The following GPHN variants were observed in gnomAD, a reference collection of about 807,000 sequenced individuals.
GPHN encodes gephyrin.
A neutral mutation model predicts 95.5 loss-of-function variants in GPHN; 17 were observed. The ratio of observed to expected loss-of-function variants is 0.18; its 90% CI spans 0.12 to 0.27. The LOEUF (loss-of-function observed/expected upper bound fraction) is 0.27, where lower values mean the gene tolerates loss of function less well. Ranked by LOEUF, GPHN falls within the 10% of genes least tolerant of loss-of-function variation. GPHN has a pLI of 1.00. For missense variants in GPHN, 660 were observed against 978.1 expected (o/e 0.67, Z 4.34); for synonymous variants, 320 against 322.5 (o/e 0.99, Z 0.08).
At chr14:66,704,197 T>TA (rs1293440021) in intron 2 of GPHN, among the ~76,000 whole-genome samples, 2 of 152,198 alleles carry the variant, frequency 1.3e-5, no homozygotes, top group African/African-American at 4.8e-5. Context: ...GAAAAAAACT[T>TA]AGACTCGCAC....
At chr14:66,982,627 T>C (rs11621555) in intron 9 of GPHN, among the ~76,000 whole-genome samples, 8,168 of 152,268 alleles carry the variant, frequency 0.054, 308 homozygotes, top group Middle Eastern at 0.13. Context: ...TGTCAAAAGA[T>C]TTCTTCATGA....
chr14:67,217,125 G>A, the GPHN span, among the ~76,000 whole-genome samples: 32 of 151,616 alleles, frequency 2.1e-4, no homozygotes, highest in African/African-American at 6.5e-4. Context: ...ATATCTTCAC[G>A]TTAAATTGAT....
chr14:66,973,764 CAAAA>C (rs111461801), intron 9 of GPHN, among the ~76,000 whole-genome samples: 10 of 151,228 alleles, frequency 6.6e-5, no homozygotes, highest in Non-Finnish European at 1.3e-4. Flanking sequence ...TCTCAAAAAA[CAAAA>C]AAAGAAAAGA....
At chr14:66,557,838 ATTAC>A (rs549750378) in intron 1 of GPHN, among the ~76,000 whole-genome samples, 14 of 152,286 alleles carry the variant, frequency 9.2e-5, no homozygotes, top group Admixed American at 3.9e-4. Flanking sequence ...AAAGTTATTT[ATTAC>A]TTATTATATG....
rs551324793 is a variant in GPHN, at chr14:66,619,186, G to T, written c.65-61921G>T. ...AGCTTTTGGCTATTACAAATAAAAT[G>T]TACATGTGTAAGTCTTTGTATAGAC... On this transcript the variant is annotated intron_variant, in intron 1 of 22. Coordinates refer to ENST00000478722, the MANE Select transcript of GPHN (RefSeq NM_020806.5). 2.0e-5 allele frequency among the ~76,000 whole-genome samples: 3 copies of T among 152,212 alleles called. No individual in the cohort carries two copies. The East Asian group carries it at 5.8e-4, about 29-fold the overall frequency.
the GPHN span, chr14:67,196,769 TCAA>T: frequency 6.6e-6 from 1 of 152,254 alleles, no homozygotes; most frequent in Non-Finnish European, 1.5e-5. Context: ...GTGAGGATCA[TCAA>T]CAACAGCTCA....
the GPHN span, among the ~76,000 whole-genome samples, chr14:67,669,818 GGCCGGGAACTGTA>G: frequency 6.6e-6 from 1 of 152,148 alleles, no homozygotes; most frequent in African/African-American, 2.4e-5. Context: ...CCAACTCTTG[GGCCGGGAACTGTA>G]GCTCACCCCT....
the GPHN span, among the ~76,000 whole-genome samples, chr14:67,623,538 T>A: frequency 1.5e-5 from 1 of 66,782 alleles, no homozygotes. Flanking sequence ...GGTAACCTTT[T>A]TTTTTTTTTT....
chr14:67,653,589 T>A, the GPHN span: 1 of 1,156,832 alleles, frequency 8.6e-7, no homozygotes, highest in Non-Finnish European at 1.2e-6. Context: ...CATTAAGGGA[T>A]ATATGTTGAA....
the GPHN span, among the ~76,000 whole-genome samples, chr14:67,506,280 A>G: frequency 6.6e-6 from 1 of 152,164 alleles, no homozygotes; most frequent in Non-Finnish European, 1.5e-5. Context: ...AAGTGATCAC[A>G]GAACCGTCTC....
At chr14:67,386,744 G>A in the GPHN span, among the ~76,000 whole-genome samples, 1 of 152,114 alleles carries the variant, frequency 6.6e-6, no homozygotes, top group East Asian at 1.9e-4. Flanking sequence ...ACGTGATTAT[G>A]TTCTCCGACA....
intron 1 of GPHN, among the ~76,000 whole-genome samples, chr14:66,529,565 A>C (rs2058829234): frequency 6.6e-6 from 1 of 152,110 alleles, no homozygotes; most frequent in Admixed American, 6.5e-5. Flanking sequence ...TGGAATTTTC[A>C]GCATTTTTGT....
chr14:67,175,008 T>A (rs184478825), intron 21 of GPHN, among the ~76,000 whole-genome samples: 9 of 152,320 alleles, frequency 5.9e-5, no homozygotes, highest in East Asian at 3.9e-4. Flanking sequence ...TTGTAAAAAA[T>A]TTTTTCCATT....
In GPHN at chr14:66,510,267, ATAGAG is replaced by A. The variant is rs1399275922; in HGVS notation, c.64+1680_64+1684del. Among the ~76,000 whole-genome samples the A allele has an allele frequency of 6.6e-5, 10 of 152,360 alleles. No individual in the cohort carries two copies. The East Asian group carries it at 1.7e-3, about 26-fold the overall frequency. On this transcript the variant is annotated intron_variant, in intron 1 of 22. Coordinates refer to ENST00000478722, the MANE Select transcript of GPHN (RefSeq NM_020806.5). ...AAATTCCAGCCATTCTTTGACAATA[ATAGAG>A]TAGTGAGAAACCAAAATATGTCAGT...
rs2060717375 is a variant in GPHN, at chr14:66,572,090, CTCTCT to C, written c.64+63503_64+63507del. Among the ~76,000 whole-genome samples, 4 of 152,196 alleles carry C rather than the reference CTCTCT, an allele frequency of 2.6e-5. No homozygotes were observed. The South Asian group carries it at 8.3e-4, about 32-fold the overall frequency. The stretch of plus-strand genomic sequence containing the variant: ...AAAAATCGGTTGACTTATTTCTGGT[CTCTCT>C]TCTATTCTATTTGTCTATGTGCCTG... On this transcript the variant is annotated intron_variant, in intron 1 of 22. Transcript: ENST00000478722.
intron 1 of GPHN, among the ~76,000 whole-genome samples, chr14:66,639,371 A>G (rs1020634674): frequency 2.0e-5 from 3 of 152,142 alleles, no homozygotes; most frequent in Non-Finnish European, 4.4e-5. Flanking sequence ...GTTAGATCCA[A>G]TTAGAGATGT....
At chr14:67,399,159 C>A in the GPHN span, among the ~76,000 whole-genome samples, 2 of 152,108 alleles carry the variant, frequency 1.3e-5, no homozygotes, top group African/African-American at 4.8e-5. Flanking sequence ...TCTTACCTAG[C>A]CAGGTGTGGC....
At chr14:67,412,504 G>C in the GPHN span, among the ~76,000 whole-genome samples, 5 of 152,254 alleles carry the variant, frequency 3.3e-5, 1 homozygote, top group South Asian at 1.0e-3. Flanking sequence ...TAGGAGATGG[G>C]ACAGTGGGTG....
intron 2 of GPHN, among the ~76,000 whole-genome samples, chr14:66,766,594 GT>G (rs2058970218): frequency 6.6e-6 from 1 of 152,016 alleles, no homozygotes. Flanking sequence ...ATGGCACATG[GT>G]AAAAATAACT....
Sources: allele counts gnomAD v4.1 joint callset (sites outside exome capture counted in the v4.1 genomes callset), GRCh38; gene constraint gnomAD v4.1.1; transcripts MANE v1.5; gene names NCBI Gene and HGNC (gene_info 2026-07-23, HGNC 2026-07-21).